Variants in CAPN8 observed in about 807,000 individuals in gnomAD.
CAPN8 encodes calpain 8.
Under a neutral mutation model 80.9 loss-of-function variants are expected in CAPN8, and 87 were observed. The observed-to-expected ratio is 1.07, with a 90% CI of 0.90 to 1.28. The LOEUF (loss-of-function observed/expected upper bound fraction) is 1.28, where lower values mean the gene tolerates loss of function less well. Among genes scored for constraint, CAPN8 ranks in the 50% most tolerant of loss-of-function variants. CAPN8 has a pLI of 0.00. For synonymous variants in CAPN8, 299 were observed against 273.8 expected (o/e 1.09, Z -0.91); for missense variants, 757 against 702.0 (o/e 1.08, Z -0.89).
intron 2 of CAPN8, among the ~76,000 whole-genome samples, chr1:223,639,461 C>G (rs1571726657): frequency 6.6e-6 from 1 of 152,204 alleles, no homozygotes; most frequent in Non-Finnish European, 1.5e-5. Context: ...GCTGGGGAAG[C>G]TACACCACTG....
intron 6 of CAPN8, 58 bp from the exon 7 acceptor site, chr1:223,622,958 G>A: frequency 1.2e-5 from 16 of 1,323,568 alleles, no homozygotes; most frequent in Non-Finnish European, 1.7e-5. Flanking sequence ...TGCCTTGCAG[G>A]CATGTCTGCA....
In CAPN8 at chr1:223,613,238, G is replaced by A. The variant is rs112099931; in HGVS notation, c.1312-981C>T. On this transcript the variant is annotated intron_variant, in intron 10 of 20. Transcript: ENST00000366872. ...ACAGAAAATGTGTATCAGCTGGCAT[G>A]CTCACTTCTGGAGCCCCCATGGGTC... 6.5e-3 allele frequency among the ~76,000 whole-genome samples: 997 copies of A among 152,340 alleles called. 14 individuals are homozygous for A. Among genetic ancestry groups the A allele is most frequent in the African/African-American group, 0.023 (936 of 41,564 alleles).
chr1:223,650,167 G>A (rs1658307833), intron 2 of CAPN8, among the ~76,000 whole-genome samples: 1 of 152,194 alleles, frequency 6.6e-6, no homozygotes, highest in Non-Finnish European at 1.5e-5. Context: ...AGGAGAGGGG[G>A]AAAGATGCCA....
intron 8 of CAPN8, 51 bp downstream of exon 8, chr1:223,620,140 GA>G: frequency 6.8e-7 from 1 of 1,477,186 alleles, no homozygotes; most frequent in Non-Finnish European, 9.3e-7. Context: ...CATCAGAACT[GA>G]AAATGGACCC....
intron 6 of CAPN8, among the ~76,000 whole-genome samples, chr1:223,625,327 C>G (rs1441064110): frequency 1.3e-5 from 2 of 152,186 alleles, no homozygotes; most frequent in African/African-American, 4.8e-5. Context: ...TACAGCTTTC[C>G]TGGCTGCATC....
chr1:223,613,266 T>C lies in CAPN8; in HGVS notation c.1312-1009A>G, dbSNP rs935073122. ...CACTTCTGGAGCCCCCATGGGTCAT[T>C]GGCAGCAGAAGTAGAAGAGTCCAGG... On this transcript the variant is annotated intron_variant, in intron 10 of 20. Transcript: ENST00000366872. Among the ~76,000 whole-genome samples, 21 of 152,230 alleles carry C rather than the reference T, an allele frequency of 1.4e-4. 1 individual carries two copies. Among genetic ancestry groups the C allele is most frequent in the African/African-American group, 4.6e-4 (19 of 41,472 alleles).
At chr1:223,613,069 C>G (rs1468031702) in intron 10 of CAPN8, among the ~76,000 whole-genome samples, 2 of 152,176 alleles carry the variant, frequency 1.3e-5, no homozygotes, top group Non-Finnish European at 2.9e-5. Context: ...CTATGCCAGG[C>G]TAGAGAAGAG....
chr1:223,544,894 G>A (rs1363783189), intron 17 of CAPN8, 44 bp from the exon 18 acceptor site: 1 of 1,550,592 alleles, frequency 6.4e-7, no homozygotes, highest in African/African-American at 1.4e-5. Flanking sequence ...ACCATTCACG[G>A]CCCCTGCCAG....
At chr1:223,646,435 C>A (rs906488453) in intron 2 of CAPN8, among the ~76,000 whole-genome samples, 1 of 152,202 alleles carries the variant, frequency 6.6e-6, no homozygotes, top group Non-Finnish European at 1.5e-5. Context: ...CCCAGAGCTG[C>A]CCTGAAGGTG....
At position 223,628,059 on chromosome 1, in the gene CAPN8, C is replaced by T. The variant is rs753053461; in HGVS notation, c.510G>A (p.Ser170=). 1.6e-5 allele frequency: 25 copies of T among 1,551,054 alleles called. No homozygotes were observed. The highest frequency in any genetic ancestry group is 3.3e-4 in the Middle Eastern group (2 of 6,010). Reference sequence around the variant, plus strand: ...CACTCCAGAATTCATTGCCTTGTTCCGAGTGTAGGAAGAGCAGCTGTCCAT... The same window carrying T: ...CACTCCAGAATTCATTGCCTTGTTCTGAGTGTAGGAAGAGCAGCTGTCCAT... The part of the protein sequence containing the change: ...TKNGQLLFLH[S]EQGNEFWSAL... The change falls in exon 4 of 21, where the codon TCG becomes TCA. Residue 170 remains serine, a synonymous_variant. Transcript: ENST00000366872.
rs1452814587 is a variant in CAPN8, at chr1:223,620,271, G to C, written c.900-5C>G. ...ATGTGATTCCACTCTGGTGCACTGA[G>C]GGGAAAACAAGCAGAGATGCTCGCT... On this transcript the variant is annotated splice_region_variant and splice_polypyrimidine_tract_variant and intron_variant, in intron 7 of 20. Coordinates refer to ENST00000366872, the MANE Select transcript of CAPN8 (RefSeq NM_001143962.2). 2 of 1,551,512 alleles carry C rather than the reference G, an allele frequency of 1.3e-6. No homozygotes were observed.
intron 2 of CAPN8, among the ~76,000 whole-genome samples, chr1:223,634,431 G>T (rs1032086717): frequency 1.3e-5 from 2 of 152,144 alleles, no homozygotes; most frequent in African/African-American, 4.8e-5. Context: ...TTCTCTCATT[G>T]GTGGGAGGAC....
intron 16 of CAPN8, among the ~76,000 whole-genome samples, chr1:223,547,544 T>C (rs1030238000): frequency 2.0e-5 from 3 of 152,170 alleles, no homozygotes; most frequent in Non-Finnish European, 4.4e-5. Context: ...TATGTGATGA[T>C]GGTTGCTTAA....
intron 13 of CAPN8, among the ~76,000 whole-genome samples, chr1:223,557,144 T>C (rs1656923498): frequency 6.6e-6 from 1 of 152,208 alleles, no homozygotes; most frequent in Admixed American, 6.5e-5. Flanking sequence ...ATTTTCTATC[T>C]GATAAACTCA....
chr1:223,544,311 ACT>A (rs772340709), intron 18 of CAPN8, 128 bp from the exon 19 acceptor site: 79 of 623,192 alleles, frequency 1.3e-4, no homozygotes, highest in Non-Finnish European at 1.8e-4. Flanking sequence ...ACCAGGCCTG[ACT>A]CTGCCTTCTC....
At position 223,619,378 on chromosome 1, in the gene CAPN8, G is replaced by C; in HGVS notation, c.1050C>G (p.Ser350Arg). ...ICNLSPDSLS[S>R]EEVHKWNLVL... Reference sequence around the variant, plus strand: ...CCAGGTTCCATTTGTGCACCTCCTCGCTACTCAGAGAGTCCGGGGACAGGT... The same window carrying C: ...CCAGGTTCCATTTGTGCACCTCCTCCCTACTCAGAGAGTCCGGGGACAGGT... Residue 350 changes from serine (S) to arginine (R), a missense_variant, in exon 9 of 21, where the codon AGC becomes AGG. Ser to Arg is a moderately radical substitution (Grantham distance 110). Coordinates refer to ENST00000366872, the MANE Select transcript of CAPN8 (RefSeq NM_001143962.2). 1.3e-6 allele frequency: 2 copies of C among 1,551,634 alleles called. No individual in the cohort carries two copies. The highest frequency in any genetic ancestry group is 1.7e-6 in the Non-Finnish European group (2 of 1,146,984).
Position 223,627,020 on chromosome 1 carries a change from C to T in CAPN8, c.698G>A (p.Cys233Tyr). 6.4e-7 allele frequency: 1 copy of T among 1,551,914 alleles called. No individual in the cohort carries two copies. The highest frequency in any genetic ancestry group is 1.2e-5 in the South Asian group (1 of 84,062). Residue 233 changes from cysteine to tyrosine, a missense_variant, in exon 5 of 21, where the codon TGT becomes TAT. Cys to Tyr is a radical substitution (Grantham distance 194). Coordinates refer to ENST00000366872, the MANE Select transcript of CAPN8 (RefSeq NM_001143962.2). ...NLYQIIRKALCAGSLLGCSID... is the reference protein window; with the variant it reads ...NLYQIIRKALYAGSLLGCSID... ...GGAGCAGCCCAGCAGAGACCCCGCA[C>T]AGAGGGCCTTCCGGATGATCTGATA...
intron 2 of CAPN8, among the ~76,000 whole-genome samples, chr1:223,631,656 G>A (rs1269980290): frequency 6.6e-6 from 1 of 152,182 alleles, no homozygotes; most frequent in Non-Finnish European, 1.5e-5. Flanking sequence ...TTGTTCTTCT[G>A]CAAATCTCCA....
chr1:223,612,994 G>A (rs1301943264), intron 10 of CAPN8, among the ~76,000 whole-genome samples: 2 of 152,220 alleles, frequency 1.3e-5, no homozygotes, highest in East Asian at 1.9e-4. Context: ...GCAACTGGAA[G>A]TGTTGACTCC....
Sources: allele counts gnomAD v4.1 joint callset (sites outside exome capture counted in the v4.1 genomes callset), GRCh38; gene constraint gnomAD v4.1.1; transcripts MANE v1.5; gene names NCBI Gene and HGNC (gene_info 2026-07-23, HGNC 2026-07-21).